Variants in LYN observed in about 807,000 individuals in gnomAD.
LYN encodes LYN proto-oncogene, Src family tyrosine kinase.
Under a neutral mutation model 65.0 loss-of-function variants are expected in LYN, and 12 were observed. The observed-to-expected ratio is 0.18, with a 90% CI of 0.12 to 0.30. LYN has a LOEUF of 0.30. Ranked by LOEUF, LYN falls within the 10% of genes least tolerant of loss-of-function variation. LYN has a pLI of 1.00. For missense variants in LYN, 380 were observed against 623.2 expected, an observed-to-expected ratio of 0.61 and a Z score of 4.16; for synonymous variants, 222 against 221.2, an observed-to-expected ratio of 1.00 and a Z score of -0.03.
chr8:55,884,366 A>G (rs973113157), intron 1 of LYN, among the ~76,000 whole-genome samples: 5 of 151,824 alleles, frequency 3.3e-5, no homozygotes, highest in African/African-American at 1.2e-4. Flanking sequence ...CGTCCTCACA[A>G]AATGCTGGGA....
intron 1 of LYN, among the ~76,000 whole-genome samples, chr8:55,883,047 G>T (rs1404485601): frequency 6.6e-6 from 1 of 152,128 alleles, no homozygotes; most frequent in Non-Finnish European, 1.5e-5. Context: ...CTTAAACATG[G>T]TCGAAACACT....
rs189205335 is a variant in LYN at position 56,008,084 on chromosome 8, A to C, written c.1337-1824A>C. 1.3e-4 allele frequency among the ~76,000 whole-genome samples: 19 copies of C among 151,146 alleles called. No individual in the cohort carries two copies. The East Asian group carries it at 3.7e-3, about 29-fold the overall frequency. On this transcript the variant is annotated intron_variant, in intron 12 of 12. Transcript: ENST00000519728. ...CAGTGAGCCAAGATCGCTCCACTGC[A>C]CTCCAGCCTAGGTGAAAGAGGGAGA...
At chr8:55,960,158 AC>A (rs1283945116) in intron 8 of LYN, among the ~76,000 whole-genome samples, 1 of 152,230 alleles carries the variant, frequency 6.6e-6, no homozygotes, top group African/African-American at 2.4e-5. Flanking sequence ...TGGGTAAATG[AC>A]ATGGTATATG....
intron 1 of LYN, among the ~76,000 whole-genome samples, chr8:55,912,884 C>T (rs931039461): frequency 2.0e-5 from 3 of 151,876 alleles, no homozygotes; most frequent in East Asian, 1.9e-4. Flanking sequence ...TAAAATGGCC[C>T]GTGTGTAAAA....
intron 10 of LYN, among the ~76,000 whole-genome samples, chr8:55,970,246 G>A (rs142675796): frequency 3.9e-5 from 6 of 152,038 alleles, no homozygotes; most frequent in African/African-American, 1.2e-4. Flanking sequence ...TCCTCTTCTC[G>A]CTCCTTCTTG....
chr8:55,983,048 C>T (rs1418119355), intron 10 of LYN, among the ~76,000 whole-genome samples: 1 of 152,112 alleles, frequency 6.6e-6, no homozygotes, highest in African/African-American at 2.4e-5. Flanking sequence ...GAAGTCCGAC[C>T]CTTCACCTAT....
rs1385288813 is a variant in LYN at position 55,934,498 on chromosome 8, C to T, written c.-5-7357C>T. ...ACCGGCCCGCTAAGATTTGACTGGG[C>T]ACTGCTGATTCGAGGGATGTTAAAT... On this transcript the variant is annotated intron_variant, in intron 1 of 12. Coordinates refer to ENST00000519728, the MANE Select transcript of LYN (RefSeq NM_002350.4). 2.6e-5 allele frequency among the ~76,000 whole-genome samples: 4 copies of T among 152,316 alleles called. No individual in the cohort carries two copies. The East Asian group carries it at 5.8e-4, about 22-fold the overall frequency.
At chr8:55,974,091 CAGATAACG>C (rs1466608359) in intron 10 of LYN, among the ~76,000 whole-genome samples, 1 of 152,194 alleles carries the variant, frequency 6.6e-6, no homozygotes, top group Non-Finnish European at 1.5e-5. Flanking sequence ...GTACCTCTTA[CAGATAACG>C]AGGTAAACTT....
intron 1 of LYN, among the ~76,000 whole-genome samples, chr8:55,910,167 T>C (rs1017782990): frequency 6.6e-6 from 1 of 152,192 alleles, no homozygotes; most frequent in Non-Finnish European, 1.5e-5. Context: ...CTCATTTGTC[T>C]ACTTTTGTTT....
intron 10 of LYN, among the ~76,000 whole-genome samples, chr8:55,973,042 A>C (rs7838485): frequency 0.21 from 31,969 of 152,086 alleles, 3,410 homozygotes; most frequent in Middle Eastern, 0.28. Context: ...GAAATAACCC[A>C]GTTTACTTAA....
intron 12 of LYN, among the ~76,000 whole-genome samples, chr8:56,006,107 T>C (rs1285776778): frequency 6.6e-6 from 1 of 152,002 alleles, no homozygotes; most frequent in South Asian, 2.1e-4. Context: ...GGGTGTCTTG[T>C]TGGGGTCCTG....
At chr8:55,918,615 A>G (rs1370015323) in intron 1 of LYN, among the ~76,000 whole-genome samples, 1 of 152,250 alleles carries the variant, frequency 6.6e-6, no homozygotes, top group Admixed American at 6.5e-5. Flanking sequence ...GATGTTGACC[A>G]GAGCCCTCCC....
chr8:55,895,385 T>C (rs1251029190), intron 1 of LYN, among the ~76,000 whole-genome samples: 1 of 152,142 alleles, frequency 6.6e-6, no homozygotes, highest in Non-Finnish European at 1.5e-5. Flanking sequence ...TGGTGAATAA[T>C]ATAGGTATGG....
At chr8:55,994,416 G>C (rs1328335891) in intron 10 of LYN, among the ~76,000 whole-genome samples, 1 of 152,116 alleles carries the variant, frequency 6.6e-6, no homozygotes, top group Non-Finnish European at 1.5e-5. Flanking sequence ...AATACACTAG[G>C]TTTGTTGCAA....
At chr8:55,965,469 G>T (rs1029179133) in intron 8 of LYN, among the ~76,000 whole-genome samples, 3 of 152,144 alleles carry the variant, frequency 2.0e-5, no homozygotes, top group Non-Finnish European at 4.4e-5. Flanking sequence ...GGAAGTGCTT[G>T]TTTGACTCTA....
chr8:55,934,018 G>C (rs1212333857), intron 1 of LYN, among the ~76,000 whole-genome samples: 7 of 152,152 alleles, frequency 4.6e-5, no homozygotes, highest in Non-Finnish European at 1.0e-4. Flanking sequence ...ACAAGGTCAG[G>C]AGTTCGAGAC....
At chr8:55,934,910 A>T (rs533158127) in intron 1 of LYN, among the ~76,000 whole-genome samples, 1 of 152,216 alleles carries the variant, frequency 6.6e-6, no homozygotes, top group East Asian at 1.9e-4. Flanking sequence ...ACTTCTCCTA[A>T]ATCATATCCT....
At chr8:55,904,134 T>A (rs973920787) in intron 1 of LYN, among the ~76,000 whole-genome samples, 1 of 152,090 alleles carries the variant, frequency 6.6e-6, no homozygotes, top group Non-Finnish European at 1.5e-5. Flanking sequence ...ACTCCTGAAA[T>A]TAAAAAAAAT....
intron 12 of LYN, among the ~76,000 whole-genome samples, chr8:56,000,727 C>CAAAAAAAAAA (rs1043054300): frequency 2.1e-5 from 1 of 46,832 alleles, no homozygotes; most frequent in Non-Finnish European, 4.1e-5. Flanking sequence ...GACTCTGTCT[C>CAAAAAAAAAA]AAAAAAAAAA....
Sources: gnomAD v4.1 joint callset for allele counts (sites outside exome capture counted in the v4.1 genomes callset) on GRCh38, gnomAD v4.1.1 for gene constraint, MANE v1.5 for transcripts, NCBI Gene and HGNC (gene_info 2026-07-23, HGNC 2026-07-21) for gene names.